The following EIF3J variants were observed in gnomAD, a reference collection of about 807,000 sequenced individuals.
EIF3J encodes eukaryotic translation initiation factor 3, subunit 1 (alpha, 35kD).
A neutral mutation model predicts 39.0 loss-of-function variants in EIF3J; 15 were observed. That is an observed-to-expected ratio of 0.38 (90% CI 0.26 to 0.59). The LOEUF is 0.59. Ranked by LOEUF, EIF3J falls within the 20% of genes least tolerant of loss-of-function variation. EIF3J has a pLI of 0.60. For synonymous variants in EIF3J, 98 were observed against 112.9 expected (o/e 0.87, Z 0.84); for missense variants, 226 against 308.6 (o/e 0.73, Z 2.00).
Position 44,554,151 on chromosome 15 carries a change from C to T in EIF3J, c.295-402C>T, listed in dbSNP as rs375128107. On this transcript the variant is annotated intron_variant, in intron 4 of 7. Coordinates refer to ENST00000261868, the MANE Select transcript of EIF3J (RefSeq NM_003758.4). The stretch of plus-strand genomic sequence containing the variant: ...CAACACTTTGGGAGGCTGAGATGGG[C>T]GGATCACTTGAGGCCAGGAGTTCAA... 3.9e-5 allele frequency among the ~76,000 whole-genome samples: 6 copies of T among 151,938 alleles called. No homozygotes were observed. The South Asian group carries it at 1.0e-3, about 26-fold the overall frequency.
At chr15:44,546,280 A>G (rs908347236) in intron 2 of EIF3J, among the ~76,000 whole-genome samples, 2 of 152,214 alleles carry the variant, frequency 1.3e-5, no homozygotes, top group Admixed American at 6.5e-5. Flanking sequence ...TAAAACTGCG[A>G]GCTGTGGGTT....
chr15:44,542,315 A>G (rs2082020097), intron 2 of EIF3J, among the ~76,000 whole-genome samples: 1 of 151,336 alleles, frequency 6.6e-6, no homozygotes, highest in Non-Finnish European at 1.5e-5. Context: ...CACAGCTTAC[A>G]GAACACAAAT....
chr15:44,553,127 AG>A (rs2082114269), intron 4 of EIF3J, among the ~76,000 whole-genome samples: 1 of 151,562 alleles, frequency 6.6e-6, no homozygotes. Context: ...TTGAGGCTGC[AG>A]TGAGCCATGA....
At chr15:44,560,195 C>G in intron 6 of EIF3J, 54 bp from the exon 7 acceptor site, 1 of 1,499,342 alleles carries the variant, frequency 6.7e-7, no homozygotes, top group Non-Finnish European at 9.1e-7. Flanking sequence ...TTAGCTTTAA[C>G]TTTTCAAAAT....
intron 4 of EIF3J, among the ~76,000 whole-genome samples, chr15:44,553,351 G>C (rs961935246): frequency 2.0e-5 from 3 of 152,020 alleles, no homozygotes; most frequent in Non-Finnish European, 2.9e-5. Context: ...AATTAGACGG[G>C]CGTGGTGGCG....
chr15:44,557,705 T>C, intron 6 of EIF3J, 55 bp downstream of exon 6: 1 of 1,302,312 alleles, frequency 7.7e-7, no homozygotes, highest in Admixed American at 3.0e-5. Context: ...GGATGTTCTC[T>C]TCAGGAGGTT....
At chr15:44,558,295 T>C (rs182862624) in intron 6 of EIF3J, among the ~76,000 whole-genome samples, 2 of 152,254 alleles carry the variant, frequency 1.3e-5, no homozygotes, top group Admixed American at 1.3e-4. Flanking sequence ...CTGCAACTTC[T>C]GCCTCCTGGG....
chr15:44,560,128 A>G (rs1435244712), intron 6 of EIF3J, 121 bp from the exon 7 acceptor site: 10 of 753,956 alleles, frequency 1.3e-5, no homozygotes, highest in South Asian at 6.2e-5. Flanking sequence ...TGGATTTCTC[A>G]TAACACTTTT....
chr15:44,545,612 G>A (rs377298090), intron 2 of EIF3J, among the ~76,000 whole-genome samples: 1 of 152,188 alleles, frequency 6.6e-6, no homozygotes. Flanking sequence ...ACATATTTAT[G>A]GGGTATATTG....
intron 2 of EIF3J, among the ~76,000 whole-genome samples, chr15:44,543,336 G>A (rs1322359329): frequency 6.6e-6 from 1 of 152,000 alleles, no homozygotes; most frequent in African/African-American, 2.4e-5. Flanking sequence ...GGGAGAGAGT[G>A]ACAGTCAAGG....
At chr15:44,540,329 CTGAGG>C (rs1343192872) in intron 2 of EIF3J, among the ~76,000 whole-genome samples, 1 of 143,390 alleles carries the variant, frequency 7.0e-6, no homozygotes, top group Non-Finnish European at 1.5e-5. Flanking sequence ...TCTCAAACTC[CTGAGG>C]TCAAAGTGAT....
At position 44,561,253 on chromosome 15, in the gene EIF3J, T is replaced by A; in HGVS notation, c.*104T>A. Reference sequence around the variant, plus strand: ...TTCTGCCAAATGCTACAATCAGAAGTGCAGTATCTTTTGTGCTGGTTATTT... The same window carrying A: ...TTCTGCCAAATGCTACAATCAGAAGAGCAGTATCTTTTGTGCTGGTTATTT... On this transcript the variant is annotated 3_prime_UTR_variant, in exon 8 of 8. Transcript: ENST00000261868. 7.3e-7 allele frequency: 1 copy of A among 1,361,080 alleles called. No individual in the cohort carries two copies. Among genetic ancestry groups the A allele is most frequent in the Non-Finnish European group, 1.0e-6 (1 of 1,004,026 alleles). 84.3% of individuals were successfully genotyped at this position (1,361,080 alleles called of 1,614,324 possible). A position where few individuals can be genotyped will look rare whatever the true frequency, so the allele number is the denominator to read the frequency against.
intron 5 of EIF3J, 109 bp from the exon 6 acceptor site, chr15:44,557,380 G>A: frequency 1.3e-6 from 1 of 796,292 alleles, no homozygotes; most frequent in Non-Finnish European, 1.8e-6. Flanking sequence ...CAGAGCCCCT[G>A]CTTTAGAATG....
chr15:44,547,481 G>A (rs1412634866), intron 2 of EIF3J, among the ~76,000 whole-genome samples: 1 of 118,362 alleles, frequency 8.4e-6, no homozygotes, highest in Non-Finnish European at 1.6e-5. Flanking sequence ...AAGTCTCGCC[G>A]CACTGTCACC....
intron 2 of EIF3J, among the ~76,000 whole-genome samples, chr15:44,539,192 A>G (rs745417975): frequency 2.6e-5 from 4 of 151,172 alleles, no homozygotes; most frequent in Non-Finnish European, 4.4e-5. Flanking sequence ...ACGCCTGGCT[A>G]ATTTTGTATT....
intron 1 of EIF3J, 26 bp from the exon 2 acceptor site, chr15:44,537,298 C>G: frequency 6.4e-7 from 1 of 1,562,158 alleles, no homozygotes; most frequent in Non-Finnish European, 8.7e-7. Context: ...GTGGCAGGCA[C>G]TAACACGGCT....
At chr15:44,537,738 C>G (rs1229558492) in intron 2 of EIF3J, among the ~76,000 whole-genome samples, 3 of 152,220 alleles carry the variant, frequency 2.0e-5, no homozygotes, top group Middle Eastern at 3.2e-3. Context: ...GAGCCTCTCG[C>G]AGGAATGAGA....
At chr15:44,560,447 T>C (rs1269729764) in intron 7 of EIF3J, 125 bp downstream of exon 7, 1 of 846,554 alleles carries the variant, frequency 1.2e-6, no homozygotes, top group Admixed American at 3.0e-5. Flanking sequence ...ACCATTTAAG[T>C]TAGACTAGAA....
At chr15:44,550,574 A>ATTTATAATAG in intron 2 of EIF3J, 1 of 193,634 alleles carries the variant, frequency 5.2e-6, no homozygotes, top group Non-Finnish European at 1.0e-5. Context: ...ATAGCAACAT[A>ATTTATAATAG]CAAGATGAAA....
Sources: allele counts gnomAD v4.1 joint callset (sites outside exome capture counted in the v4.1 genomes callset), GRCh38; gene constraint gnomAD v4.1.1; transcripts MANE v1.5; gene names NCBI Gene and HGNC (gene_info 2026-07-23, HGNC 2026-07-21).